The following ENTREP2 variants were observed in gnomAD, a reference collection of about 807,000 sequenced individuals.
The protein encoded by ENTREP2 is endosomal transmembrane epsin interactor 2.
chr15:29,661,048 G>A, the ENTREP2 span, among the ~76,000 whole-genome samples: 1 of 143,612 alleles, frequency 7.0e-6, no homozygotes, highest in Non-Finnish European at 1.5e-5. Flanking sequence ...GAGTGTGGTT[G>A]TAATTACAGC....
the ENTREP2 span, among the ~76,000 whole-genome samples, chr15:29,587,572 T>C: frequency 6.6e-6 from 1 of 152,224 alleles, no homozygotes; most frequent in East Asian, 1.9e-4. Flanking sequence ...CAACTCATTA[T>C]CTTAAAACCT....
the ENTREP2 span, among the ~76,000 whole-genome samples, chr15:29,231,885 C>CT: frequency 8.5e-5 from 11 of 129,976 alleles, no homozygotes; most frequent in South Asian, 2.6e-4. Context: ...GTTTTCTTTT[C>CT]TTTTCTTTCT....
At chr15:29,385,215 A>G in the ENTREP2 span, among the ~76,000 whole-genome samples, 1 of 152,210 alleles carries the variant, frequency 6.6e-6, no homozygotes, top group Non-Finnish European at 1.5e-5. Context: ...CACTGGAAGT[A>G]CATAAAACTT....
chr15:29,317,463 A>T, the ENTREP2 span, among the ~76,000 whole-genome samples: 1 of 152,240 alleles, frequency 6.6e-6, no homozygotes, highest in Non-Finnish European at 1.5e-5. Flanking sequence ...AGTCAGGAAC[A>T]GACCTCAAAG....
the ENTREP2 span, among the ~76,000 whole-genome samples, chr15:29,217,009 AG>A: frequency 6.6e-6 from 1 of 152,112 alleles, no homozygotes; most frequent in Non-Finnish European, 1.5e-5. Context: ...TGGTTTAGGA[AG>A]GGGGGGTCTA....
chr15:29,233,639 G>C, the ENTREP2 span: 3 of 832,740 alleles, frequency 3.6e-6, no homozygotes, highest in Middle Eastern at 2.3e-4. Flanking sequence ...CGAGAGCTTA[G>C]TTTATGCACT....
the ENTREP2 span, among the ~76,000 whole-genome samples, chr15:29,212,442 T>TA: frequency 6.6e-6 from 1 of 152,184 alleles, no homozygotes; most frequent in Non-Finnish European, 1.5e-5. Context: ...TTTTGTTTCA[T>TA]TTATCTTTTG....
chr15:29,209,801 G>A, the ENTREP2 span, among the ~76,000 whole-genome samples: 1 of 152,080 alleles, frequency 6.6e-6, no homozygotes, highest in Non-Finnish European at 1.5e-5. Flanking sequence ...GTCTCTCTGT[G>A]CCCTGGTACC....
At chr15:29,397,248 A>G in the ENTREP2 span, among the ~76,000 whole-genome samples, 1 of 152,082 alleles carries the variant, frequency 6.6e-6, no homozygotes, top group Non-Finnish European at 1.5e-5. Flanking sequence ...ACAATTAGCC[A>G]GACATGGTGG....
the ENTREP2 span, among the ~76,000 whole-genome samples, chr15:29,298,744 T>C: frequency 0.16 from 24,704 of 152,196 alleles, 3,366 homozygotes; most frequent in African/African-American, 0.38. Flanking sequence ...AATAAAATCC[T>C]ACAGCCAGAT....
the ENTREP2 span, among the ~76,000 whole-genome samples, chr15:29,411,659 G>A: frequency 2.6e-5 from 4 of 152,198 alleles, no homozygotes; most frequent in Non-Finnish European, 5.9e-5. Flanking sequence ...TAAAAAGAAT[G>A]TTTAAATGTA....
the ENTREP2 span, among the ~76,000 whole-genome samples, chr15:29,436,754 G>A: frequency 2.8e-4 from 43 of 152,294 alleles, no homozygotes; most frequent in African/African-American, 9.1e-4. Context: ...TGCCAATGCT[G>A]AATCATGAAG....
At chr15:29,404,652 A>G in the ENTREP2 span, among the ~76,000 whole-genome samples, 1 of 151,082 alleles carries the variant, frequency 6.6e-6, no homozygotes, top group African/African-American at 2.4e-5. Flanking sequence ...CGCAGTATCT[A>G]TCCTGGGAGA....
chr15:29,509,501 C>A, the ENTREP2 span, among the ~76,000 whole-genome samples: 3 of 152,160 alleles, frequency 2.0e-5, no homozygotes, highest in Non-Finnish European at 4.4e-5. Context: ...TGACTTCAAA[C>A]TATACTACAA....
chr15:29,290,536 C>T, the ENTREP2 span, among the ~76,000 whole-genome samples: 2 of 152,212 alleles, frequency 1.3e-5, 1 homozygote, highest in Admixed American at 1.3e-4. Flanking sequence ...AATCTCCCTG[C>T]ACAAGAATGC....
the ENTREP2 span, among the ~76,000 whole-genome samples, chr15:29,173,058 C>T: frequency 6.6e-6 from 1 of 152,196 alleles, no homozygotes; most frequent in African/African-American, 2.4e-5. Flanking sequence ...CTCTGCAGAC[C>T]AGCCCCCAAG....
the ENTREP2 span, among the ~76,000 whole-genome samples, chr15:29,263,226 CCACAGCCTTT>C: frequency 3.3e-5 from 5 of 152,154 alleles, no homozygotes; most frequent in Non-Finnish European, 7.3e-5. Flanking sequence ...AACACCAGGC[CCACAGCCTTT>C]CACATGTAGA....
At chr15:29,445,315 G>C in the ENTREP2 span, among the ~76,000 whole-genome samples, 1 of 152,160 alleles carries the variant, frequency 6.6e-6, no homozygotes, top group Admixed American at 6.5e-5. Context: ...ATGAGTGGTA[G>C]TGAGGGGCTT....
At chr15:29,195,321 G>A in the ENTREP2 span, 16 of 985,020 alleles carry the variant, frequency 1.6e-5, no homozygotes, top group East Asian at 2.3e-4. Context: ...TCTACCAGCC[G>A]GAGACCACCC....
Sources: gnomAD v4.1 joint callset for allele counts (sites outside exome capture counted in the v4.1 genomes callset) on GRCh38, gnomAD v4.1.1 for gene constraint, MANE v1.5 for transcripts, NCBI Gene and HGNC (gene_info 2026-07-23, HGNC 2026-07-21) for gene names.